Variants in GRAP2 observed in about 807,000 individuals in gnomAD.
GRAP2 encodes the protein GRB2 related adaptor protein 2.
In GRAP2, 31 loss-of-function variants were observed where a neutral mutation model predicts 43.5. That is an observed-to-expected ratio of 0.71 (90% confidence interval 0.54 to 0.96). GRAP2 has a LOEUF of 0.96. GRAP2 is among the 40% of genes least tolerant of loss of function. The probability of loss-of-function intolerance (pLI) is 0.00; values close to 1 mark genes in which losing one functional copy is unlikely to be tolerated. For missense variants in GRAP2, 371 were observed against 424.4 expected (o/e 0.87, Z 1.11); for synonymous variants, 156 against 164.8 (o/e 0.95, Z 0.41).
In GRAP2 at chr22:39,971,446, C is replaced by T. The variant is rs559928064; in HGVS notation, c.*362C>T. ...ACGGAGAACAGCTAAGCAGAGACCA[C>T]ACCTCGGCACTGGACACAGAACAAC... On this transcript the variant is annotated 3_prime_UTR_variant, in exon 8 of 8. Transcript: ENST00000344138. 1 of 236,168 alleles carries T rather than the reference C, an allele frequency of 4.2e-6. No individual in the cohort carries two copies. The highest frequency in any genetic ancestry group is 1.4e-4 in the East Asian group (1 of 6,986). 14.6% of individuals were successfully genotyped at this position (236,168 alleles called of 1,614,324 possible). A position where few individuals can be genotyped will look rare whatever the true frequency, so the allele number is the denominator to read the frequency against.
chr22:39,957,710 G>A (rs894593964), intron 3 of GRAP2, among the ~76,000 whole-genome samples: 5 of 152,158 alleles, frequency 3.3e-5, no homozygotes, highest in African/African-American at 1.2e-4. Context: ...TGAGGGAGGA[G>A]GATCACTTGT....
At chr22:39,910,985 G>A (rs1377137708) in intron 1 of GRAP2, among the ~76,000 whole-genome samples, 2 of 152,110 alleles carry the variant, frequency 1.3e-5, no homozygotes, top group African/African-American at 4.8e-5. Context: ...GGATGAATCT[G>A]CATCCTTAGA....
At chr22:39,914,236 T>G (rs1203313619) in intron 1 of GRAP2, among the ~76,000 whole-genome samples, 1 of 152,168 alleles carries the variant, frequency 6.6e-6, no homozygotes, top group Non-Finnish European at 1.5e-5. Context: ...TTTATTAGTC[T>G]CTCTCCTCTC....
intron 2 of GRAP2, among the ~76,000 whole-genome samples, chr22:39,953,783 A>G (rs1020865538): frequency 6.6e-6 from 1 of 151,986 alleles, no homozygotes; most frequent in Non-Finnish European, 1.5e-5. Context: ...GCTAAGTTTT[A>G]TTTTTATTTT....
In GRAP2 at chr22:39,915,090, G is replaced by A. The variant is rs192685614; in HGVS notation, c.-15+13760G>A. On this transcript the variant is annotated intron_variant, in intron 1 of 7. Transcript: ENST00000344138. ...TGTAATCCCAGCTACTCAGGAGGCC[G>A]AGGTGGGAGAATCACTTGAACCCGG... is the stretch of plus-strand genomic sequence containing the variant. 1.2e-3 allele frequency among the ~76,000 whole-genome samples: 179 copies of A among 150,002 alleles called. 2 individuals carry two copies. Among genetic ancestry groups the A allele is most frequent in the African/African-American group, 4.2e-3 (171 of 40,688 alleles).
intron 1 of GRAP2, among the ~76,000 whole-genome samples, chr22:39,918,248 A>C (rs2066619773): frequency 6.6e-6 from 1 of 152,156 alleles, no homozygotes; most frequent in Non-Finnish European, 1.5e-5. Flanking sequence ...CTGCTCAGCT[A>C]TTTCAGTACT....
chr22:39,913,828 G>T (rs1469574251), intron 1 of GRAP2, among the ~76,000 whole-genome samples: 1 of 152,202 alleles, frequency 6.6e-6, no homozygotes, highest in Non-Finnish European at 1.5e-5. Context: ...ACCAGTGGGT[G>T]CCTTATAATC....
intron 1 of GRAP2, among the ~76,000 whole-genome samples, chr22:39,906,277 C>CAGATTTATAAAT (rs2066522738): frequency 6.6e-6 from 1 of 152,062 alleles, no homozygotes; most frequent in Non-Finnish European, 1.5e-5. Flanking sequence ...TTATAAAAGG[C>CAGATTTATAAAT]CATGGTGGAT....
chr22:39,953,303 T>C (rs1373380900), intron 2 of GRAP2, among the ~76,000 whole-genome samples: 4 of 152,142 alleles, frequency 2.6e-5, no homozygotes, highest in Non-Finnish European at 5.9e-5. Flanking sequence ...CATGAGCCCT[T>C]TCTCAGCCCT....
chr22:39,897,470 G>C (rs1322183717), upstream of GRAP2, among the ~76,000 whole-genome samples: 1 of 146,938 alleles, frequency 6.8e-6, no homozygotes, highest in East Asian at 2.0e-4. Flanking sequence ...ACATCATCCT[G>C]TTTTAAGCCA....
At chr22:39,954,770 C>G (rs1027109063) in intron 2 of GRAP2, among the ~76,000 whole-genome samples, 3 of 152,092 alleles carry the variant, frequency 2.0e-5, no homozygotes, top group Non-Finnish European at 4.4e-5. Flanking sequence ...TTTTGAGAAA[C>G]CAGAAGCCAC....
intron 4 of GRAP2, chr22:39,964,701 A>G (rs2145674767): frequency 2.2e-6 from 1 of 458,380 alleles, no homozygotes; most frequent in Non-Finnish European, 3.8e-6. Flanking sequence ...TGTACATTTA[A>G]GAATAAACTT....
At chr22:39,906,766 T>C (rs2066526391) in intron 1 of GRAP2, among the ~76,000 whole-genome samples, 1 of 152,226 alleles carries the variant, frequency 6.6e-6, no homozygotes, top group Admixed American at 6.5e-5. Flanking sequence ...ATTTGTGTTT[T>C]TTGTCTAGTG....
At chr22:39,937,478 C>G (rs1008636154) in intron 1 of GRAP2, among the ~76,000 whole-genome samples, 1 of 152,158 alleles carries the variant, frequency 6.6e-6, no homozygotes, top group East Asian at 1.9e-4. Flanking sequence ...AGCGCCTGCC[C>G]AGGGAAAGTG....
At chr22:39,923,135 C>T (rs974504397) in intron 1 of GRAP2, among the ~76,000 whole-genome samples, 23 of 151,896 alleles carry the variant, frequency 1.5e-4, no homozygotes, top group African/African-American at 2.7e-4. Context: ...GGAAAAGACA[C>T]GGAGGAGTCC....
chr22:39,941,565 A>G (rs1202975005), intron 1 of GRAP2, among the ~76,000 whole-genome samples: 1 of 152,224 alleles, frequency 6.6e-6, no homozygotes, highest in Non-Finnish European at 1.5e-5. Flanking sequence ...GCTAATTTAC[A>G]TTTTTACATG....
intron 1 of GRAP2, chr22:39,926,545 AG>A (rs942935750): frequency 2.2e-6 from 2 of 927,892 alleles, no homozygotes; most frequent in Non-Finnish European, 1.3e-6. Flanking sequence ...CTTGAGCATA[AG>A]GAAGTGGCTA....
At chr22:39,921,655 T>C (rs1272351574) in intron 1 of GRAP2, among the ~76,000 whole-genome samples, 3 of 152,230 alleles carry the variant, frequency 2.0e-5, no homozygotes, top group African/African-American at 7.2e-5. Flanking sequence ...AATGGTTCTG[T>C]TTTACATGTT....
intron 1 of GRAP2, among the ~76,000 whole-genome samples, chr22:39,939,635 T>C (rs2066845940): frequency 6.6e-6 from 1 of 151,170 alleles, no homozygotes; most frequent in Non-Finnish European, 1.5e-5. Flanking sequence ...GAGGAACTGT[T>C]GGCTGTAAAC....
Sources: gnomAD v4.1 joint callset for allele counts (sites outside exome capture counted in the v4.1 genomes callset) on GRCh38, gnomAD v4.1.1 for gene constraint, MANE v1.5 for transcripts, NCBI Gene and HGNC (gene_info 2026-07-23, HGNC 2026-07-21) for gene names.